The following ZNF443 variants were observed in gnomAD, a reference collection of about 807,000 sequenced individuals.
ZNF443 encodes Kruppel-type zinc finger (C2H2).
Under a neutral mutation model 12.0 loss-of-function variants are expected in ZNF443, and 3 were observed. The observed-to-expected ratio is 0.25, with a 90% CI of 0.11 to 0.64. The LOEUF is 0.64. ZNF443 is among the 30% of genes least tolerant of loss of function. The pLI is 0.84. For synonymous variants in ZNF443, 225 were observed against 265.9 expected, an observed-to-expected ratio of 0.85 and a Z score of 1.50; for missense variants, 770 against 808.8, an observed-to-expected ratio of 0.95 and a Z score of 0.58.
At chr19:12,437,385 G>C (rs1258860211) in intron 1 of ZNF443, among the ~76,000 whole-genome samples, 2 of 148,342 alleles carry the variant, frequency 1.3e-5, no homozygotes, top group Non-Finnish European at 3.0e-5. Flanking sequence ...TCTAGCCTAG[G>C]TGATAGAGCA....
chr19:12,431,341 C>G lies in ZNF443; in HGVS notation c.831G>C (p.Gly277=), dbSNP rs1472843730. Residue 277 remains glycine, a synonymous_variant, in exon 4 of 4, where the codon GGG becomes GGC. Coordinates refer to ENST00000301547, the MANE Select transcript of ZNF443 (RefSeq NM_005815.5). ...SYLRHERTHT[G]EKPYKCKQCS... ...ACTGCTTACATTTATATGGTTTCTC[C>G]CCAGTATGTGTTCTTTCATGTCTTA... The G allele has an allele frequency of 3.7e-6, 6 of 1,613,396 alleles. No homozygotes were observed. The East Asian group carries it at 1.3e-4, about 36-fold the overall frequency.
intron 2 of ZNF443, among the ~76,000 whole-genome samples, chr19:12,432,707 G>T (rs76753758): frequency 0.15 from 15,152 of 102,416 alleles, 1,526 homozygotes; most frequent in South Asian, 0.26. Context: ...ACCTTTCCGA[G>T]GATGCACTTC....
chr19:12,432,876 A>G (rs1371735400), intron 2 of ZNF443, among the ~76,000 whole-genome samples, 195 bp downstream of exon 2: 1 of 146,054 alleles, frequency 6.8e-6, no homozygotes, highest in African/African-American at 2.5e-5. Context: ...CTGCCCATCA[A>G]TAGTAGGCTA....
In ZNF443 at chr19:12,440,946, C is replaced by T. The variant is rs901601046; in HGVS notation, c.-32G>A. On this transcript the variant is annotated 5_prime_UTR_variant, in exon 1 of 4. Coordinates refer to ENST00000301547, the MANE Select transcript of ZNF443 (RefSeq NM_005815.5). Reference sequence around the variant, plus strand: ...ACTTCCGCGGTGTCCCAGGTCCTACCGACAGCTCCCGCTGCCAATGCGTGT... The same window carrying T: ...ACTTCCGCGGTGTCCCAGGTCCTACTGACAGCTCCCGCTGCCAATGCGTGT... The T allele has an allele frequency of 2.5e-6, 4 of 1,613,884 alleles. No homozygotes were observed. The highest frequency in any genetic ancestry group is 3.3e-5 in the Admixed American group (2 of 60,004).
intron 1 of ZNF443, among the ~76,000 whole-genome samples, chr19:12,437,839 C>A (rs1402311481): frequency 2.6e-5 from 4 of 151,954 alleles, no homozygotes; most frequent in African/African-American, 9.7e-5. Context: ...TGCCTGTAAT[C>A]CCAGCACTTT....
intron 1 of ZNF443, among the ~76,000 whole-genome samples, chr19:12,438,649 C>T (rs1391916185): frequency 1.3e-5 from 2 of 152,014 alleles, no homozygotes; most frequent in East Asian, 3.9e-4. Context: ...AGTAGTTATA[C>T]TACTAAGTCC....
At chr19:12,440,468 AC>A (rs1970353817) in intron 1 of ZNF443, among the ~76,000 whole-genome samples, 1 of 151,952 alleles carries the variant, frequency 6.6e-6, no homozygotes. Context: ...TTCACCCCTC[AC>A]TTCCCCACCA....
At position 12,430,901 on chromosome 19, in the gene ZNF443, T is replaced by C. The variant is rs1394240241; in HGVS notation, c.1271A>G (p.Lys424Arg). 6.2e-7 allele frequency: 1 copy of C among 1,614,124 alleles called. No individual in the cohort carries two copies. The highest frequency in any genetic ancestry group is 8.5e-7 in the Non-Finnish European group (1 of 1,179,974). The stretch of plus-strand genomic sequence containing the variant: ...ATAAACAAAGGCTTTCCCACATACC[T>C]TGCATTTATGAGGTCCATCTCCAGT... ...MHTGDGPHKC[K>R]VCGKAFVYPS... is the part of the protein sequence containing the mutation. Residue 424 changes from lysine to arginine, a missense_variant, in exon 4 of 4, where the codon AAG becomes AGG. Around this residue, in one of 3 missense-constraint regions of ZNF443, gnomAD observed 736 missense variants for 689.4 expected, o/e 1.07. Coordinates refer to ENST00000301547, the MANE Select transcript of ZNF443 (RefSeq NM_005815.5).
Position 12,429,768 on chromosome 19 carries a change from A to G in ZNF443, c.*388T>C. ...ACTACACTATGTTGATAGGCTCACA[A>G]TTACTGCATCTATACTGAAAATACA... On this transcript the variant is annotated 3_prime_UTR_variant, in exon 4 of 4. Coordinates refer to ENST00000301547, the MANE Select transcript of ZNF443 (RefSeq NM_005815.5). The G allele has an allele frequency of 3.8e-6, 1 of 260,026 alleles. No individual in the cohort carries two copies. Among genetic ancestry groups the G allele is most frequent in the South Asian group, 6.0e-5 (1 of 16,580 alleles). 16.1% of individuals were successfully genotyped at this position (260,026 alleles called of 1,614,324 possible).
At position 12,431,512 on chromosome 19, in the gene ZNF443, A is replaced by G. The variant is rs747049816; in HGVS notation, c.660T>C (p.Thr220=). The change falls in exon 4 of 4, where the codon ACT becomes ACC. Residue 220 remains threonine, a synonymous_variant. Coordinates refer to ENST00000301547, the MANE Select transcript of ZNF443 (RefSeq NM_005815.5). The stretch of plus-strand genomic sequence containing the variant: ...GCTTACATTCATATGGTTTCTCTCC[A>G]GTGTGCGTTCTTTCATGCATATGTA... ...SLLHMHERTH[T]GEKPYECKQC... The G allele has an allele frequency of 8.7e-6, 14 of 1,614,166 alleles. No homozygotes were observed. In the East Asian group the frequency reaches 3.1e-4, roughly 36 times the overall value.
At chr19:12,438,379 T>C (rs568547473) in intron 1 of ZNF443, among the ~76,000 whole-genome samples, 4 of 152,330 alleles carry the variant, frequency 2.6e-5, no homozygotes, top group African/African-American at 7.2e-5. Context: ...ATTTCCATGA[T>C]AGTAAGTGAT....
At chr19:12,438,287 T>C (rs1212895138) in intron 1 of ZNF443, among the ~76,000 whole-genome samples, 2 of 152,210 alleles carry the variant, frequency 1.3e-5, no homozygotes, top group African/African-American at 4.8e-5. Flanking sequence ...GGAAGGAAAT[T>C]GTAAGGCACT....
At position 12,441,012 on chromosome 19, in the gene ZNF443, T is replaced by C; in HGVS notation, c.-98A>G. On this transcript the variant is annotated 5_prime_UTR_variant, in exon 1 of 4. Coordinates refer to ENST00000301547, the MANE Select transcript of ZNF443 (RefSeq NM_005815.5). The stretch of plus-strand genomic sequence containing the variant: ...GCTGCCTCAGAACTTCCAGGTCGTC[T>C]CTCAGCTACAGAACCCAGAGCCGAG... 1.2e-6 allele frequency: 2 copies of C among 1,605,678 alleles called. No homozygotes were observed.
Position 12,431,896 on chromosome 19 carries a change from C to G in ZNF443, c.276G>C (p.Val92=). 2 of 1,613,898 alleles carry G rather than the reference C, an allele frequency of 1.2e-6. No homozygotes were observed. The highest frequency in any genetic ancestry group is 1.7e-6 in the Non-Finnish European group (2 of 1,179,924). Residue 92 remains valine (V), a synonymous_variant, in exon 4 of 4, where the codon GTG becomes GTC. Transcript: ENST00000301547. ...ETSSQIQDSI[V]TKNTLPGVGP... is the part of the protein sequence containing the mutation. ...CTACTCCAGGAAGAGTGTTCTTGGT[C>G]ACAATACTATCTTGAATCTGGCTAG...
intron 1 of ZNF443, among the ~76,000 whole-genome samples, chr19:12,437,945 A>AAAT: frequency 6.6e-6 from 1 of 151,798 alleles, no homozygotes; most frequent in Non-Finnish European, 1.5e-5. Flanking sequence ...TACAAAAAAA[A>AAAT]AAAAAATTAG....
At chr19:12,440,786 C>G (rs1465085477) in intron 1 of ZNF443, 126 bp downstream of exon 1, 3 of 1,534,184 alleles carry the variant, frequency 2.0e-6, no homozygotes, top group Admixed American at 3.4e-5. Context: ...CCGACCTACG[C>G]CAGGGGGACC....
chr19:12,433,385 C>T (rs1218449204), intron 1 of ZNF443, among the ~76,000 whole-genome samples, 188 bp from the exon 2 acceptor site: 5 of 152,144 alleles, frequency 3.3e-5, no homozygotes, highest in East Asian at 1.9e-4. Flanking sequence ...TACAGTTAAA[C>T]GTTTGGTAAA....
rs966209144 is a variant in ZNF443, at chr19:12,429,894, T to C, written c.*262A>G. ...GGTATTTTAAGTAATCTAGACATAATTGAGACTATACAAGAGGATGTGGGT... is the reference window on the plus strand; with the variant it reads ...GGTATTTTAAGTAATCTAGACATAACTGAGACTATACAAGAGGATGTGGGT... On this transcript the variant is annotated 3_prime_UTR_variant, in exon 4 of 4. Coordinates refer to ENST00000301547, the MANE Select transcript of ZNF443 (RefSeq NM_005815.5). 3.1e-5 allele frequency: 18 copies of C among 586,058 alleles called. No homozygotes were observed. Among genetic ancestry groups the C allele is most frequent in the African/African-American group, 2.2e-4 (12 of 53,702 alleles). The allele number at this position is 586,058 out of a possible 1,614,324, so 36.3% of individuals were successfully genotyped here.
At chr19:12,438,844 TC>T (rs1175890864) in intron 1 of ZNF443, among the ~76,000 whole-genome samples, 1 of 152,250 alleles carries the variant, frequency 6.6e-6, no homozygotes, top group African/African-American at 2.4e-5. Context: ...GAAGTCCGAC[TC>T]TTTCCAACTT....
Sources: gnomAD v4.1 joint callset for allele counts (sites outside exome capture counted in the v4.1 genomes callset) on GRCh38, gnomAD v4.1.1 for gene constraint, gnomAD v4.1.1 regional missense constraint, MANE v1.5 for transcripts, NCBI Gene and HGNC (gene_info 2026-07-23, HGNC 2026-07-21) for gene names.